C12orf42: variants seen among roughly 807,000 people sequenced by gnomAD.
The protein encoded by C12orf42 is uncharacterized protein C12orf42.
Under a neutral mutation model 21.6 loss-of-function variants are expected in C12orf42, and 25 were observed. The observed-to-expected ratio is 1.16, with a 90% CI of 0.84 to 1.62. The LOEUF is 1.62. Ranked by LOEUF, C12orf42 falls within the 40% of genes most tolerant of loss-of-function variation. The pLI, the probability that C12orf42 is intolerant of heterozygous loss-of-function variation, is 0.00. For synonymous variants in C12orf42, 174 were observed against 175.0 expected (o/e 0.99, Z 0.05); for missense variants, 483 against 459.3 (o/e 1.05, Z -0.47).
chr12:103,553,753 T>A, the C12orf42 span, among the ~76,000 whole-genome samples: 3 of 152,180 alleles, frequency 2.0e-5, no homozygotes, highest in African/African-American at 4.8e-5. Flanking sequence ...AGTGCCCAGA[T>A]GGTTCCTATG....
At chr12:103,294,088 A>C (rs2036989902) in intron 4 of C12orf42, among the ~76,000 whole-genome samples, 1 of 152,170 alleles carries the variant, frequency 6.6e-6, no homozygotes. Flanking sequence ...CTAGTCAAGG[A>C]AGAAGACTGT....
chr12:103,157,229 T>C, the C12orf42 span, among the ~76,000 whole-genome samples: 3 of 152,240 alleles, frequency 2.0e-5, no homozygotes, highest in Admixed American at 6.5e-5. Flanking sequence ...TGGTCAGTAA[T>C]GTTGAGCTTT....
intron 10 of C12orf42, among the ~76,000 whole-genome samples, chr12:103,251,244 T>C (rs980264975): frequency 2.0e-5 from 3 of 152,042 alleles, no homozygotes; most frequent in Non-Finnish European, 2.9e-5. Flanking sequence ...CATCCCCCTT[T>C]CCCAACCCCA....
the C12orf42 span, among the ~76,000 whole-genome samples, chr12:103,501,080 G>A: frequency 6.6e-6 from 1 of 152,252 alleles, no homozygotes; most frequent in Non-Finnish European, 1.5e-5. Context: ...CTGAAGTGGA[G>A]CAGAGGTGAC....
chr12:103,536,829 G>A, the C12orf42 span, among the ~76,000 whole-genome samples: 1 of 152,090 alleles, frequency 6.6e-6, no homozygotes, highest in African/African-American at 2.4e-5. Context: ...CCTCATCAGC[G>A]AGGCCTTCCC....
chr12:103,279,033 T>C (rs1268823472), intron 4 of C12orf42, among the ~76,000 whole-genome samples: 2 of 152,226 alleles, frequency 1.3e-5, no homozygotes, highest in Admixed American at 1.3e-4. Context: ...CTCATCTGCA[T>C]TGTTGCCTAA....
rs143147251 is a variant in C12orf42, at chr12:103,447,420, T to C, written c.78+30929A>G. Reference sequence around the variant, plus strand: ...GTCCACTCACCACTTCTATTCAACATAGTACTAGAAGTCCTAGCCAGAGAA... The same window carrying C: ...GTCCACTCACCACTTCTATTCAACACAGTACTAGAAGTCCTAGCCAGAGAA... On this transcript the variant is annotated intron_variant, in intron 2 of 5. Coordinates refer to ENST00000548883, the MANE Select transcript of C12orf42 (RefSeq NM_198521.5). Among the ~76,000 whole-genome samples, 254 of 152,070 alleles carry C rather than the reference T, an allele frequency of 1.7e-3. 4 individuals carry two copies. Among genetic ancestry groups the C allele is most frequent in the African/African-American group, 5.8e-3 (242 of 41,494 alleles).
chr12:103,380,034 A>T (rs2138174504), intron 3 of C12orf42, among the ~76,000 whole-genome samples: 1 of 152,322 alleles, frequency 6.6e-6, no homozygotes, highest in African/African-American at 2.4e-5. Flanking sequence ...AGTGTATCTA[A>T]TATCTAAGGC....
At chr12:103,495,508 C>T (rs1478763374) in intron 1 of C12orf42, among the ~76,000 whole-genome samples, 2 of 152,020 alleles carry the variant, frequency 1.3e-5, no homozygotes, top group Admixed American at 6.5e-5. Flanking sequence ...GGCATCGCTG[C>T]GCGGGGCGCA....
At chr12:103,344,949 C>G (rs2137317995) in intron 4 of C12orf42, among the ~76,000 whole-genome samples, 1 of 152,316 alleles carries the variant, frequency 6.6e-6, no homozygotes, top group African/African-American at 2.4e-5. Flanking sequence ...AATCATTTAA[C>G]TTCACTGGAT....
chr12:103,379,459 AT>A (rs141285696), intron 3 of C12orf42, among the ~76,000 whole-genome samples: 2,018 of 152,276 alleles, frequency 0.013, 44 homozygotes, highest in African/African-American at 0.046. Context: ...GGAAAAAAAA[AT>A]ACTAACTTGG....
intron 4 of C12orf42, among the ~76,000 whole-genome samples, chr12:103,342,512 A>G (rs915283205): frequency 6.6e-6 from 1 of 152,152 alleles, no homozygotes. Flanking sequence ...GGCCAAGTGT[A>G]GTATTATTAC....
intron 4 of C12orf42, among the ~76,000 whole-genome samples, chr12:103,329,664 T>C (rs2041051390): frequency 6.7e-6 from 1 of 148,794 alleles, no homozygotes; most frequent in Admixed American, 6.7e-5. Flanking sequence ...ATGCCACTGC[T>C]CTTTACAAAA....
chr12:103,167,879 C>CGTGTGT, the C12orf42 span, among the ~76,000 whole-genome samples: 7 of 134,164 alleles, frequency 5.2e-5, no homozygotes, highest in East Asian at 2.7e-4. Flanking sequence ...GAGGGGTGGG[C>CGTGTGT]GTGTGTGTGT....
chr12:103,343,299 T>G (rs886587904), intron 4 of C12orf42, among the ~76,000 whole-genome samples: 8 of 152,168 alleles, frequency 5.3e-5, no homozygotes, highest in African/African-American at 1.9e-4. Flanking sequence ...AAATAATAAT[T>G]CAGTGCAGCA....
At chr12:103,301,850 C>G, downstream of C12orf42, 1 of 445,576 alleles carries the variant, frequency 2.2e-6, no homozygotes, top group Non-Finnish European at 3.9e-6. Flanking sequence ...CGCGATGTAC[C>G]CCATCCCTAT....
intron 2 of C12orf42, among the ~76,000 whole-genome samples, chr12:103,432,260 G>T (rs10467024): frequency 0.17 from 26,438 of 152,132 alleles, 2,672 homozygotes; most frequent in African/African-American, 0.29. Flanking sequence ...TGAGATCTTA[G>T]CCACAAGATG....
intron 1 of C12orf42, among the ~76,000 whole-genome samples, chr12:103,495,021 T>C (rs1955427400): frequency 6.6e-6 from 1 of 152,082 alleles, no homozygotes; most frequent in Non-Finnish European, 1.5e-5. Context: ...TCTACACACA[T>C]TTAACAAGTG....
intron 3 of C12orf42, among the ~76,000 whole-genome samples, chr12:103,386,372 G>A (rs954214756): frequency 9.9e-5 from 15 of 152,044 alleles, no homozygotes; most frequent in African/African-American, 3.6e-4. Flanking sequence ...CTCTACTCCG[G>A]AACTGAACTG....
Sources: gnomAD v4.1 joint callset for allele counts (sites outside exome capture counted in the v4.1 genomes callset) on GRCh38, gnomAD v4.1.1 for gene constraint, MANE v1.5 for transcripts, NCBI Gene and HGNC (gene_info 2026-07-23, HGNC 2026-07-21) for gene names.